Variants in RAB14 observed in about 807,000 individuals in gnomAD.
The protein encoded by RAB14 is ras-related protein Rab-14.
Under a neutral mutation model 31.1 loss-of-function variants are expected in RAB14, and 3 were observed. That is an observed-to-expected ratio of 0.10 (90% CI 0.04 to 0.25). The LOEUF (loss-of-function observed/expected upper bound fraction) is 0.25, where lower values mean the gene tolerates loss of function less well. Ranked by LOEUF, RAB14 falls within the 10% of genes least tolerant of loss-of-function variation. The pLI is 1.00. For synonymous variants in RAB14, 85 were observed against 84.9 expected (o/e 1.00, Z 0.00); for missense variants, 111 against 260.1 (o/e 0.43, Z 3.94).
chr9:121,197,959 ATTT>A lies in RAB14; in HGVS notation c.-8+3677_-8+3679del, dbSNP rs772335572. Among the ~76,000 whole-genome samples, 71 of 152,116 alleles carry A rather than the reference ATTT, an allele frequency of 4.7e-4. 1 individual carries two copies. The highest frequency in any genetic ancestry group is 4.0e-3 in the East Asian group (21 of 5,186). On this transcript the variant is annotated intron_variant, in intron 1 of 7. Transcript: ENST00000373840. ...GCATTAACCTGGAAATACATCCATG[ATTT>A]TGTTAAGTGAAAAAACACATGTTGC...
chr9:121,198,393 T>G (rs970039863), intron 1 of RAB14, among the ~76,000 whole-genome samples: 3 of 152,172 alleles, frequency 2.0e-5, no homozygotes, highest in Non-Finnish European at 2.9e-5. Flanking sequence ...GGCATATTTT[T>G]GGGAGTTTTT....
intron 7 of RAB14, 58 bp downstream of exon 7, chr9:121,182,871 CG>C: frequency 7.0e-7 from 1 of 1,436,822 alleles, no homozygotes; most frequent in East Asian, 2.3e-5. Context: ...TTCATATATA[CG>C]GTTCTACTTT....
chr9:121,183,199 TTC>T lies in RAB14; in HGVS notation c.439+110_439+111del, dbSNP rs1047277061. On this transcript the variant is annotated intron_variant, in intron 6 of 7. Transcript: ENST00000373840. ...ATTGTTACTTCCTCATTCTTGAGAT[TTC>T]TGAGTCTGCATTTAAAAAAAAAATG... 2.3e-5 allele frequency: 21 copies of T among 894,558 alleles called. No homozygotes were observed. The African/African-American group carries it at 3.2e-4, about 14-fold the overall frequency. The allele number at this position is 894,558 out of a possible 1,614,324, so 55.4% of individuals were successfully genotyped here.
intron 5 of RAB14, among the ~76,000 whole-genome samples, chr9:121,185,428 C>T (rs747658501): frequency 8.5e-5 from 13 of 152,188 alleles, no homozygotes; most frequent in Non-Finnish European, 1.5e-4. Flanking sequence ...CATGTGCGTT[C>T]GTGCATGGGT....
chr9:121,201,059 CCCCGGCCCCGGCCCGG>C (rs2053767809), intron 1 of RAB14, among the ~76,000 whole-genome samples: 1 of 152,014 alleles, frequency 6.6e-6, no homozygotes, highest in Non-Finnish European at 1.5e-5. Context: ...CAGACCCAGA[CCCCGGCCCCGGCCCGG>C]CCCGGCTGCA....
intron 2 of RAB14, among the ~76,000 whole-genome samples, chr9:121,192,460 C>A (rs963397890): frequency 6.6e-6 from 1 of 151,982 alleles, no homozygotes; most frequent in Non-Finnish European, 1.5e-5. Flanking sequence ...TAAATAGCCA[C>A]CAGCTGGGAA....
chr9:121,181,477 A>G lies in RAB14; in HGVS notation c.567T>C (p.Gly189=). 6.2e-7 allele frequency: 1 copy of G among 1,613,710 alleles called. No individual in the cohort carries two copies. The highest frequency in any genetic ancestry group is 8.5e-7 in the Non-Finnish European group (1 of 1,179,688). The change falls in exon 8 of 8, where the codon GGT becomes GGC. Residue 189 remains glycine, a synonymous_variant. Transcript: ENST00000373840. ...GCGGGGCTGAAGGTTTGTGTTGTAC[A>G]CCAGACTCAGCAGCATTCAGATCCA... is the stretch of plus-strand genomic sequence containing the variant. ...GSLDLNAAES[G]VQHKPSAPQG...
chr9:121,195,951 T>G (rs1483759059), intron 1 of RAB14, among the ~76,000 whole-genome samples: 1 of 152,178 alleles, frequency 6.6e-6, no homozygotes, highest in Non-Finnish European at 1.5e-5. Flanking sequence ...GGCTTAATGT[T>G]GCTTTAACAA....
intron 3 of RAB14, among the ~76,000 whole-genome samples, 194 bp from the exon 4 acceptor site, chr9:121,190,925 C>T (rs575545260): frequency 6.6e-6 from 1 of 152,136 alleles, no homozygotes; most frequent in East Asian, 1.9e-4. Flanking sequence ...GTACTAGAAT[C>T]GGGGTCAGCA....
chr9:121,196,079 GCTTTA>G (rs2053715174), intron 1 of RAB14, among the ~76,000 whole-genome samples: 1 of 151,764 alleles, frequency 6.6e-6, no homozygotes, highest in Admixed American at 6.6e-5. Flanking sequence ...CAGTACTTTT[GCTTTA>G]CTTAGAGAAC....
intron 5 of RAB14, among the ~76,000 whole-genome samples, chr9:121,184,360 C>G (rs1245697838): frequency 6.6e-6 from 1 of 152,044 alleles, no homozygotes; most frequent in Non-Finnish European, 1.5e-5. Flanking sequence ...AAAGGCAGCT[C>G]TGCAAAGTTG....
intron 5 of RAB14, among the ~76,000 whole-genome samples, chr9:121,186,446 TATC>T (rs2053659645): frequency 6.6e-6 from 1 of 152,166 alleles, no homozygotes; most frequent in African/African-American, 2.4e-5. Context: ...TCTCAATAAA[TATC>T]ATCTCAGTCT....
chr9:121,200,312 C>G (rs1159391614), intron 1 of RAB14, among the ~76,000 whole-genome samples: 2 of 152,174 alleles, frequency 1.3e-5, no homozygotes, highest in Non-Finnish European at 2.9e-5. Context: ...CTTCAACAAT[C>G]AAATCTAAAT....
chr9:121,192,744 T>A (rs771709114), intron 2 of RAB14, among the ~76,000 whole-genome samples: 1 of 152,098 alleles, frequency 6.6e-6, no homozygotes, highest in African/African-American at 2.4e-5. Context: ...TCTCTGACTG[T>A]ACTATAGCAA....
intron 4 of RAB14, among the ~76,000 whole-genome samples, chr9:121,187,830 A>C (rs2053665937): frequency 6.6e-6 from 1 of 152,078 alleles, no homozygotes; most frequent in Non-Finnish European, 1.5e-5. Flanking sequence ...TTTCTGATTT[A>C]TAGACTCACA....
chr9:121,187,064 G>A, intron 4 of RAB14, 45 bp from the exon 5 acceptor site: 1 of 1,193,112 alleles, frequency 8.4e-7, no homozygotes, highest in Non-Finnish European at 1.2e-6. Context: ...TATAATTATA[G>A]AAAAAAAACT....
chr9:121,194,876 T>G (rs1326325201), intron 1 of RAB14, among the ~76,000 whole-genome samples: 1 of 152,190 alleles, frequency 6.6e-6, no homozygotes, highest in African/African-American at 2.4e-5. Flanking sequence ...TTCCACACAC[T>G]ACAGTCTTCT....
At chr9:121,199,832 G>A (rs1444641513) in intron 1 of RAB14, among the ~76,000 whole-genome samples, 4 of 152,124 alleles carry the variant, frequency 2.6e-5, no homozygotes, top group East Asian at 1.9e-4. Context: ...TGATCTACCC[G>A]TGGTCATACT....
chr9:121,186,929 G>A, intron 5 of RAB14, 24 bp downstream of exon 5: 1 of 1,486,444 alleles, frequency 6.7e-7, no homozygotes, highest in Non-Finnish European at 9.0e-7. Context: ...AATTTTCTGT[G>A]TAATAAGATG....
Sources: gnomAD v4.1 joint callset for allele counts (sites outside exome capture counted in the v4.1 genomes callset) on GRCh38, gnomAD v4.1.1 for gene constraint, MANE v1.5 for transcripts, NCBI Gene and HGNC (gene_info 2026-07-23, HGNC 2026-07-21) for gene names.